The following TRIM14 variants were observed in gnomAD, a reference collection of about 807,000 sequenced individuals.
TRIM14 encodes tripartite motif-containing protein 14.
A neutral mutation model predicts 44.5 loss-of-function variants in TRIM14; 28 were observed. The ratio of observed to expected loss-of-function variants is 0.63; its 90% confidence interval spans 0.47 to 0.86. TRIM14 has a LOEUF of 0.86. TRIM14 is among the 40% of genes least tolerant of loss of function. The pLI, the probability that TRIM14 is intolerant of heterozygous loss-of-function variation, is 0.00. For missense variants in TRIM14, 607 were observed against 611.1 expected, an observed-to-expected ratio of 0.99 and a Z score of 0.07; for synonymous variants, 299 against 269.2, an observed-to-expected ratio of 1.11 and a Z score of -1.08.
intron 1 of TRIM14, among the ~76,000 whole-genome samples, chr9:98,111,056 C>T (rs12376217): frequency 2.0e-5 from 3 of 150,506 alleles, no homozygotes; most frequent in Admixed American, 6.6e-5. Context: ...TGTCCCCCCC[C>T]CCAAAAAAAA....
At position 98,087,910 on chromosome 9, in the gene TRIM14, G is replaced by T. The variant is rs527321964; in HGVS notation, c.889C>A (p.Leu297Met). 2.5e-6 allele frequency: 4 copies of T among 1,569,074 alleles called. No homozygotes were observed. The highest frequency in any genetic ancestry group is 3.5e-5 in the Admixed American group (2 of 56,780). Residue 297 changes from leucine to methionine, a missense_variant, in exon 6 of 6, where the codon CTG becomes ATG. By Grantham distance (15) the Leu-to-Met change is conservative. Coordinates refer to ENST00000341469, the MANE Select transcript of TRIM14 (RefSeq NM_014788.4). The stretch of plus-strand genomic sequence containing the variant: ...AACCGCAGCACGGGCACGGGCCCCA[G>T]GCTGCCCAGCAGGCCGCAGCGCACC... ...LTVRCGLLGS[L>M]GPVPVLRFDA...
chr9:98,061,230 A>G, the TRIM14 span: 2 of 497,430 alleles, frequency 4.0e-6, no homozygotes, highest in South Asian at 4.5e-5. Context: ...TAATCCCGGC[A>G]CTTTGGGAGA....
chr9:98,038,963 T>C, the TRIM14 span, among the ~76,000 whole-genome samples: 1 of 151,200 alleles, frequency 6.6e-6, no homozygotes, highest in African/African-American at 2.4e-5. Flanking sequence ...GGCAGGAGAA[T>C]CGCTTGAACC....
chr9:98,088,505 C>A (rs1024949903), intron 5 of TRIM14, among the ~76,000 whole-genome samples: 3 of 152,168 alleles, frequency 2.0e-5, no homozygotes, highest in African/African-American at 7.2e-5. Flanking sequence ...CAGGCGCCCA[C>A]CACCACGCCC....
the TRIM14 span, among the ~76,000 whole-genome samples, chr9:98,046,416 T>C: frequency 2.9e-4 from 44 of 152,244 alleles, no homozygotes; most frequent in African/African-American, 1.0e-3. Context: ...GGGATGTCTG[T>C]TGATATGCAG....
At chr9:98,061,229 C>A in the TRIM14 span, 9 of 505,714 alleles carry the variant, frequency 1.8e-5, no homozygotes, top group East Asian at 2.1e-4. Flanking sequence ...GTAATCCCGG[C>A]ACTTTGGGAG....
chr9:98,053,999 C>A, the TRIM14 span, among the ~76,000 whole-genome samples: 1 of 152,138 alleles, frequency 6.6e-6, no homozygotes, highest in African/African-American at 2.4e-5. Context: ...CCCAGTATCA[C>A]CCTAGCAAGG....
chr9:98,050,281 C>T, the TRIM14 span, among the ~76,000 whole-genome samples: 4 of 152,174 alleles, frequency 2.6e-5, no homozygotes, highest in Admixed American at 1.3e-4. Context: ...CAATTCCCCC[C>T]TTTTGATCAT....
At chr9:98,059,248 C>T in the TRIM14 span, among the ~76,000 whole-genome samples, 1 of 152,146 alleles carries the variant, frequency 6.6e-6, no homozygotes, top group Non-Finnish European at 1.5e-5. Context: ...TGGTCTCGAT[C>T]TCCTGACCTC....
At chr9:98,056,580 C>A in the TRIM14 span, among the ~76,000 whole-genome samples, 1 of 152,042 alleles carries the variant, frequency 6.6e-6, no homozygotes, top group African/African-American at 2.4e-5. Flanking sequence ...GGAGCTTCCT[C>A]GACCCGCCCC....
chr9:98,081,014 C>G, downstream of TRIM14: 1 of 1,614,224 alleles, frequency 6.2e-7, no homozygotes, highest in East Asian at 2.2e-5. Context: ...GTCAGTGCGT[C>G]TTGTGGAGCG....
intron 1 of TRIM14, among the ~76,000 whole-genome samples, chr9:98,112,579 T>C (rs910757639): frequency 2.0e-5 from 3 of 152,026 alleles, no homozygotes; most frequent in Admixed American, 6.6e-5. Flanking sequence ...GGCAGGCAGA[T>C]CACGAAGTCA....
At chr9:98,053,870 G>A in the TRIM14 span, among the ~76,000 whole-genome samples, 1 of 151,776 alleles carries the variant, frequency 6.6e-6, no homozygotes, top group Non-Finnish European at 1.5e-5. Flanking sequence ...CATAGGCAAA[G>A]CTTCTCAACT....
At chr9:98,088,910 G>GTT (rs77760749) in intron 5 of TRIM14, among the ~76,000 whole-genome samples, 1 of 150,524 alleles carries the variant, frequency 6.6e-6, no homozygotes, top group South Asian at 2.1e-4. Flanking sequence ...TACACATGAA[G>GTT]TTTTTTTTGT....
chr9:98,059,676 A>G, the TRIM14 span, among the ~76,000 whole-genome samples: 1 of 151,532 alleles, frequency 6.6e-6, no homozygotes, highest in Non-Finnish European at 1.5e-5. Context: ...TGGCCTCTCA[A>G]AGTGTTTGGA....
At position 98,087,890 on chromosome 9, in the gene TRIM14, C is replaced by G; in HGVS notation, c.909G>C (p.Leu303=). 1 of 1,569,858 alleles carries G rather than the reference C, an allele frequency of 6.4e-7. No individual in the cohort carries two copies. Among genetic ancestry groups the G allele is most frequent in the Admixed American group, 1.8e-5 (1 of 56,752 alleles). Residue 303 remains leucine (L), a synonymous_variant, in exon 6 of 6, where the codon CTG becomes CTC. Transcript: ENST00000341469. ...LLGSLGPVPV[L]RFDALWQVLA... ...GCACTTGCCAGAGCGCGTCGAACCG[C>G]AGCACGGGCACGGGCCCCAGGCTGC...
chr9:98,080,667 A>G (rs1829812278), downstream of TRIM14: 1 of 782,556 alleles, frequency 1.3e-6, no homozygotes, highest in Non-Finnish European at 2.0e-6. Flanking sequence ...CATCCCTAGG[A>G]AAGAGAGGCT....
chr9:98,056,556 C>G, the TRIM14 span, among the ~76,000 whole-genome samples: 32 of 152,146 alleles, frequency 2.1e-4, no homozygotes, highest in African/African-American at 7.7e-4. Context: ...AAGCCTCGCA[C>G]AGGAGAGGGC....
intron 6 of TRIM14, among the ~76,000 whole-genome samples, chr9:98,072,413 ATTT>A (rs1004255694): frequency 6.8e-5 from 9 of 132,154 alleles, no homozygotes; most frequent in East Asian, 2.1e-4. Flanking sequence ...GGGAAAGTGC[ATTT>A]TTTTTTTTTT....
Sources: allele counts gnomAD v4.1 joint callset (sites outside exome capture counted in the v4.1 genomes callset), GRCh38; gene constraint gnomAD v4.1.1; transcripts MANE v1.5; gene names NCBI Gene and HGNC (gene_info 2026-07-23, HGNC 2026-07-21).